Variants in NMU observed in about 807,000 individuals in gnomAD.
NMU encodes neuromedin-U.
NMU carries 29 observed loss-of-function variants against 35.4 expected under a neutral mutation model. The observed-to-expected ratio is 0.82, with a 90% CI of 0.61 to 1.12. NMU has a LOEUF of 1.12. Among genes scored for constraint, NMU ranks in the 50% most tolerant of loss-of-function variants. NMU has a pLI of 0.00. For missense variants in NMU, 199 were observed against 206.2 expected (o/e 0.97, Z 0.21); for synonymous variants, 78 against 81.3 (o/e 0.96, Z 0.22).
At chr4:55,627,107 A>G (rs1417485808) in intron 2 of NMU, among the ~76,000 whole-genome samples, 1 of 152,246 alleles carries the variant, frequency 6.6e-6, no homozygotes, top group East Asian at 1.9e-4. Context: ...GGATGCTTGC[A>G]GTCAGAAACT....
chr4:55,619,684 G>A (rs1462846731), intron 2 of NMU, among the ~76,000 whole-genome samples: 1 of 117,332 alleles, frequency 8.5e-6, no homozygotes, highest in Non-Finnish European at 1.8e-5. Flanking sequence ...AGGCCTGCCT[G>A]CCTCTGTAGG....
intron 2 of NMU, among the ~76,000 whole-genome samples, chr4:55,617,010 A>G (rs1182009696): frequency 6.6e-6 from 1 of 152,210 alleles, no homozygotes; most frequent in Non-Finnish European, 1.5e-5. Context: ...TATTAATCAT[A>G]AAAAACCTAT....
chr4:55,628,105 A>G (rs1734606026), intron 2 of NMU, among the ~76,000 whole-genome samples: 1 of 152,198 alleles, frequency 6.6e-6, no homozygotes, highest in Admixed American at 6.5e-5. Flanking sequence ...ATATTTATCT[A>G]GGAGTTTATC....
At chr4:55,611,799 T>A (rs185736959) in intron 3 of NMU, among the ~76,000 whole-genome samples, 1 of 152,346 alleles carries the variant, frequency 6.6e-6, no homozygotes, top group Admixed American at 6.5e-5. Flanking sequence ...CTCTATGATG[T>A]TTATACAATG....
chr4:55,601,494 A>C (rs953135137), intron 7 of NMU, among the ~76,000 whole-genome samples: 1 of 152,092 alleles, frequency 6.6e-6, no homozygotes, highest in African/African-American at 2.4e-5. Flanking sequence ...CATCTTTACT[A>C]TAACTCCCCA....
At chr4:55,600,189 T>C (rs1733364441) in intron 8 of NMU, among the ~76,000 whole-genome samples, 1 of 152,086 alleles carries the variant, frequency 6.6e-6, no homozygotes, top group South Asian at 2.1e-4. Flanking sequence ...AGTCAAAAAT[T>C]TTGTAAATAA....
intron 8 of NMU, 97 bp downstream of exon 8, chr4:55,600,425 T>C (rs1733376039): frequency 1.2e-6 from 1 of 849,380 alleles, no homozygotes; most frequent in Non-Finnish European, 2.0e-6. Context: ...ATCTATAAAC[T>C]TTAAAACTTA....
At chr4:55,609,824 C>T (rs1733859242) in intron 3 of NMU, among the ~76,000 whole-genome samples, 1 of 152,084 alleles carries the variant, frequency 6.6e-6, no homozygotes, top group Non-Finnish European at 1.5e-5. Context: ...AGGGGCGAAA[C>T]CTGCTTTGCA....
At chr4:55,632,249 A>G (rs1306423849) in intron 1 of NMU, among the ~76,000 whole-genome samples, 1 of 152,082 alleles carries the variant, frequency 6.6e-6, no homozygotes, top group East Asian at 1.9e-4. Context: ...TCAGAAAATC[A>G]GTCTGGTTGA....
intron 7 of NMU, among the ~76,000 whole-genome samples, chr4:55,604,019 A>ATATATATGTATATATACATGTG (rs1560513701): frequency 7.2e-6 from 1 of 139,802 alleles, no homozygotes; most frequent in African/African-American, 2.6e-5. Flanking sequence ...ATATATGTGT[A>ATATATATGTATATATACATGTG]TATATATAAT....
intron 9 of NMU, among the ~76,000 whole-genome samples, chr4:55,595,636 TATA>T (rs1374446870): frequency 5.7e-4 from 63 of 109,652 alleles, no homozygotes; most frequent in African/African-American, 2.7e-3. Flanking sequence ...TATATATATA[TATA>T]TATATTTTTT....
At chr4:55,615,092 C>T (rs570811466) in intron 3 of NMU, among the ~76,000 whole-genome samples, 2 of 152,284 alleles carry the variant, frequency 1.3e-5, no homozygotes, top group East Asian at 1.9e-4. Context: ...GGGAGTATGC[C>T]GCAGGCGCAT....
intron 2 of NMU, among the ~76,000 whole-genome samples, chr4:55,625,991 T>C (rs1164176887): frequency 6.6e-6 from 1 of 152,138 alleles, no homozygotes; most frequent in Non-Finnish European, 1.5e-5. Context: ...CCTCCACTTA[T>C]GGATCTGTGG....
chr4:55,609,654 A>G (rs1733851045), intron 3 of NMU, among the ~76,000 whole-genome samples: 2 of 152,224 alleles, frequency 1.3e-5, no homozygotes, highest in Admixed American at 1.3e-4. Context: ...GGAGGAGAAG[A>G]ACCCATGCGT....
At chr4:55,596,494 A>C (rs1733186693) in intron 9 of NMU, among the ~76,000 whole-genome samples, 2 of 151,990 alleles carry the variant, frequency 1.3e-5, no homozygotes, top group South Asian at 4.1e-4. Context: ...TATTTAATAA[A>C]ATTTTTAAAT....
chr4:55,625,678 C>T (rs1209434752), intron 2 of NMU, among the ~76,000 whole-genome samples: 1 of 152,132 alleles, frequency 6.6e-6, no homozygotes, highest in East Asian at 1.9e-4. Flanking sequence ...CCATTCCACC[C>T]TCCTATAGGC....
chr4:55,632,508 G>A (rs2110214739), intron 1 of NMU, among the ~76,000 whole-genome samples: 1 of 152,244 alleles, frequency 6.6e-6, no homozygotes, highest in African/African-American at 2.4e-5. Context: ...ACTATTCAAA[G>A]TGGGTAAACA....
intron 8 of NMU, 106 bp downstream of exon 8, chr4:55,600,416 T>A: frequency 1.3e-6 from 1 of 772,396 alleles, no homozygotes; most frequent in Non-Finnish European, 2.2e-6. Flanking sequence ...ATGCCAAACA[T>A]CTATAAACTT....
At position 55,636,231 on chromosome 4, in the gene NMU, G is replaced by T. The variant is rs1241842850; in HGVS notation, c.-39C>A. On this transcript the variant is annotated 5_prime_UTR_variant, in exon 1 of 10. Coordinates refer to ENST00000264218, the MANE Select transcript of NMU (RefSeq NM_006681.4). This position sits in a 1 kb window ranked among gnomAD's most constrained non-coding sequence, Gnocchi z 4.0. ...GGAGGCTCGGTGCTAGGGACGCTGC[G>T]CTGCGCCACGCGTAGCTGGTGCTCC... is the stretch of plus-strand genomic sequence containing the variant. 1.4e-6 allele frequency: 2 copies of T among 1,428,090 alleles called. No homozygotes were observed. The highest frequency in any genetic ancestry group is 5.8e-5 in the Admixed American group (2 of 34,638). The allele number at this position is 1,428,090 out of a possible 1,614,324, so 88.5% of individuals were successfully genotyped here.
Sources: allele counts gnomAD v4.1 joint callset (sites outside exome capture counted in the v4.1 genomes callset), GRCh38; gene constraint gnomAD v4.1.1; non-coding constraint Gnocchi (gnomAD v3.1); transcripts MANE v1.5; gene names NCBI Gene and HGNC (gene_info 2026-07-23, HGNC 2026-07-21).